Variants in GABRA4 observed in about 807,000 individuals in gnomAD.
The protein encoded by GABRA4 is gamma-aminobutyric acid receptor subunit alpha-4.
In GABRA4, 12 loss-of-function variants were observed where a neutral mutation model predicts 49.7. The ratio of observed to expected loss-of-function variants is 0.24; its 90% CI spans 0.15 to 0.39. GABRA4 has a LOEUF of 0.39. Among genes scored for constraint, GABRA4 ranks in the 10% least tolerant of loss-of-function variants. GABRA4 has a pLI of 1.00. For missense variants in GABRA4, 506 were observed against 686.0 expected (o/e 0.74, Z 2.93); for synonymous variants, 288 against 240.2 (o/e 1.20, Z -1.84).
Position 46,926,895 on chromosome 4 carries a change from C to G in GABRA4, c.*1330G>C, listed in dbSNP as rs1412181378. 3 of 151,884 alleles carry G rather than the reference C, an allele frequency of 2.0e-5. No homozygotes were observed. The highest frequency in any genetic ancestry group is 2.9e-5 in the Non-Finnish European group (2 of 67,912). The allele number at this position is 151,884 out of a possible 1,614,324, so 9.4% of individuals were successfully genotyped here. A position where few individuals can be genotyped will look rare whatever the true frequency, so the allele number is the denominator to read the frequency against. On this transcript the variant is annotated 3_prime_UTR_variant, in exon 9 of 9. Coordinates refer to ENST00000264318, the MANE Select transcript of GABRA4 (RefSeq NM_000809.4). ...TTCTTTACTCCTTTCATTTGCTGCT[C>G]TCTTAATTTTAAAATATTCCCCTTA...
intron 8 of GABRA4, among the ~76,000 whole-genome samples, chr4:46,935,988 T>C (rs1459303086): frequency 6.6e-6 from 1 of 152,196 alleles, no homozygotes; most frequent in Non-Finnish European, 1.5e-5. Context: ...TTATAACTTA[T>C]GCATAAGACG....
At chr4:46,986,197 T>C (rs186628911) in intron 2 of GABRA4, among the ~76,000 whole-genome samples, 82 of 152,122 alleles carry the variant, frequency 5.4e-4, no homozygotes, top group Non-Finnish European at 6.9e-4. Flanking sequence ...CTAGCATTTT[T>C]CTACCTCCTT....
intron 8 of GABRA4, among the ~76,000 whole-genome samples, chr4:46,944,958 C>A (rs909153725): frequency 3.9e-5 from 6 of 152,030 alleles, no homozygotes; most frequent in Admixed American, 6.6e-5. Flanking sequence ...GAAAGTAAGT[C>A]AAATGAATTC....
Position 46,993,258 on chromosome 4 carries a change from G to A in GABRA4, c.86+81C>T, listed in dbSNP as rs1245737732. The A allele has an allele frequency of 2.5e-6, 3 of 1,185,112 alleles. No homozygotes were observed. In the South Asian group the frequency reaches 3.7e-5, roughly 14 times the overall value. The allele number at this position is 1,185,112 out of a possible 1,614,324, so 73.4% of individuals were successfully genotyped here. On this transcript the variant is annotated intron_variant, in intron 1 of 8. Coordinates refer to ENST00000264318, the MANE Select transcript of GABRA4 (RefSeq NM_000809.4). ...AAGAAGACCTAGTCCACCCAGGGAG[G>A]AGCGAGTGGCCAAAGGGGTCCCGGA... is the stretch of plus-strand genomic sequence containing the variant.
chr4:46,972,496 A>C (rs1025668143), intron 6 of GABRA4, among the ~76,000 whole-genome samples: 1 of 151,526 alleles, frequency 6.6e-6, no homozygotes, highest in Non-Finnish European at 1.5e-5. Context: ...ATACAGCTTG[A>C]TGAGTTTGGA....
rs1364440168 is a variant in GABRA4, at chr4:46,922,847, A to G, written c.*5378T>C. On this transcript the variant is annotated 3_prime_UTR_variant, in exon 9 of 9. Coordinates refer to ENST00000264318, the MANE Select transcript of GABRA4 (RefSeq NM_000809.4). ...GTTACAAAGAATACTGTAAATAGTTACAGAGCAGTGGTCCCCAACCCCTGG... is the reference window on the plus strand; with the variant it reads ...GTTACAAAGAATACTGTAAATAGTTGCAGAGCAGTGGTCCCCAACCCCTGG... 1 of 152,190 alleles carries G rather than the reference A, an allele frequency of 6.6e-6. No individual in the cohort carries two copies. The highest frequency in any genetic ancestry group is 1.5e-5 in the Non-Finnish European group (1 of 68,032). The allele number at this position is 152,190 out of a possible 1,614,324, so 9.4% of individuals were successfully genotyped here. A position where few individuals can be genotyped will look rare whatever the true frequency, so the allele number is the denominator to read the frequency against.
chr4:46,981,694 A>G (rs1165581915), intron 2 of GABRA4, among the ~76,000 whole-genome samples: 1 of 152,150 alleles, frequency 6.6e-6, no homozygotes, highest in Non-Finnish European at 1.5e-5. Flanking sequence ...GTATAAATAC[A>G]GTAGTAAAAA....
chr4:46,935,050 G>A (rs1307264723), intron 8 of GABRA4, among the ~76,000 whole-genome samples: 1 of 152,148 alleles, frequency 6.6e-6, no homozygotes, highest in Admixed American at 6.6e-5. Context: ...CAGTATTGTG[G>A]TCATACAAAG....
intron 7 of GABRA4, among the ~76,000 whole-genome samples, chr4:46,969,699 C>T (rs192344235): frequency 1.9e-3 from 285 of 151,538 alleles, no homozygotes; most frequent in Non-Finnish European, 3.4e-3. Context: ...CCTCACTAGT[C>T]TATGAGGGTG....
intron 2 of GABRA4, among the ~76,000 whole-genome samples, chr4:46,987,567 GAA>G (rs890887007): frequency 2.1e-4 from 32 of 151,994 alleles, no homozygotes; most frequent in African/African-American, 7.2e-4. Flanking sequence ...AATAGAAATT[GAA>G]AAGTCATTTT....
At chr4:46,932,505 A>C (rs1261672230) in intron 8 of GABRA4, among the ~76,000 whole-genome samples, 1 of 152,154 alleles carries the variant, frequency 6.6e-6, no homozygotes, top group Non-Finnish European at 1.5e-5. Context: ...AGACTTGGAC[A>C]TCAGAAAAAA....
At chr4:46,942,890 T>A (rs1721855965) in intron 8 of GABRA4, among the ~76,000 whole-genome samples, 1 of 152,116 alleles carries the variant, frequency 6.6e-6, no homozygotes, top group South Asian at 2.1e-4. Context: ...AATATTTATA[T>A]CAATATCATA....
chr4:46,954,568 A>G (rs534721378), intron 8 of GABRA4, among the ~76,000 whole-genome samples: 1 of 152,230 alleles, frequency 6.6e-6, no homozygotes, highest in Admixed American at 6.5e-5. Flanking sequence ...AAAAAAAAAA[A>G]AAAAAGAGTG....
chr4:46,943,819 T>C (rs1721894985), intron 8 of GABRA4, among the ~76,000 whole-genome samples: 1 of 152,132 alleles, frequency 6.6e-6, no homozygotes. Flanking sequence ...ATATTTTTAA[T>C]GTGTAATACA....
At position 46,992,645 on chromosome 4, in the gene GABRA4, TG is replaced by T. The variant is rs1292061400; in HGVS notation, c.205+182del. On this transcript the variant is annotated intron_variant, in intron 2 of 8. Coordinates refer to ENST00000264318, the MANE Select transcript of GABRA4 (RefSeq NM_000809.4). ...CAAAGCTTCTGAGGGGGCAGGGAGA[TG>T]GGAAAGTACGGGTGGAGGCGGTCTT... 1.2e-5 allele frequency: 7 copies of T among 591,580 alleles called. No homozygotes were observed. In the Admixed American group the frequency reaches 1.7e-4, roughly 14 times the overall value. 36.6% of individuals were successfully genotyped at this position (591,580 alleles called of 1,614,324 possible).
chr4:46,991,495 A>T (rs1269892813), intron 2 of GABRA4, among the ~76,000 whole-genome samples: 1 of 152,206 alleles, frequency 6.6e-6, no homozygotes, highest in African/African-American at 2.4e-5. Flanking sequence ...CCTACTTCAC[A>T]TCACAGGCAG....
chr4:46,944,658 A>T (rs531642106), intron 8 of GABRA4, among the ~76,000 whole-genome samples: 14 of 152,032 alleles, frequency 9.2e-5, no homozygotes, highest in Admixed American at 5.2e-4. Context: ...TCTCTCCTTC[A>T]TCTTCTTTAC....
chr4:46,985,784 C>CT (rs951491087), intron 2 of GABRA4, among the ~76,000 whole-genome samples: 24 of 150,952 alleles, frequency 1.6e-4, no homozygotes, highest in African/African-American at 4.9e-4. Context: ...TATTGTATAT[C>CT]TTTTTTTTTA....
chr4:46,985,057 C>T (rs1723485119), intron 2 of GABRA4, among the ~76,000 whole-genome samples: 2 of 151,864 alleles, frequency 1.3e-5, no homozygotes, highest in African/African-American at 4.8e-5. Flanking sequence ...AAGCTGGTTT[C>T]TATGCAATGG....
Sources: gnomAD v4.1 joint callset for allele counts (sites outside exome capture counted in the v4.1 genomes callset) on GRCh38, gnomAD v4.1.1 for gene constraint, MANE v1.5 for transcripts, NCBI Gene and HGNC (gene_info 2026-07-23, HGNC 2026-07-21) for gene names.